DYNC1I1: variants seen among roughly 807,000 people sequenced by gnomAD.
DYNC1I1 encodes cytoplasmic dynein 1 intermediate chain 1.
A neutral mutation model predicts 86.6 loss-of-function variants in DYNC1I1; 43 were observed. That is an observed-to-expected ratio of 0.50 (90% CI 0.39 to 0.64). The LOEUF (loss-of-function observed/expected upper bound fraction) is 0.64, where lower values mean the gene tolerates loss of function less well. Ranked by LOEUF, DYNC1I1 falls within the 30% of genes least tolerant of loss-of-function variation. DYNC1I1 has a pLI of 0.00. For missense variants in DYNC1I1, 604 were observed against 788.8 expected, an observed-to-expected ratio of 0.77 and a Z score of 2.81; for synonymous variants, 262 against 283.7, an observed-to-expected ratio of 0.92 and a Z score of 0.77.
chr7:95,843,601 G>A (rs780911950), intron 5 of DYNC1I1, among the ~76,000 whole-genome samples: 1 of 152,014 alleles, frequency 6.6e-6, no homozygotes, highest in Non-Finnish European at 1.5e-5. Flanking sequence ...CATTTTGGCC[G>A]GAAACACAAA....
intron 16 of DYNC1I1, among the ~76,000 whole-genome samples, chr7:96,086,787 A>ATATTT (rs1326756548): frequency 6.6e-6 from 1 of 152,220 alleles, no homozygotes; most frequent in Non-Finnish European, 1.5e-5. Context: ...CCATTTGAAT[A>ATATTT]TATTTTAAAG....
intron 16 of DYNC1I1, among the ~76,000 whole-genome samples, chr7:96,082,446 C>T: frequency 6.6e-6 from 1 of 152,094 alleles, no homozygotes; most frequent in Admixed American, 6.5e-5. Context: ...AAACTCTTTG[C>T]TCTATCTCCT....
At chr7:96,077,560 T>A (rs1196391631) in intron 15 of DYNC1I1, among the ~76,000 whole-genome samples, 1 of 152,188 alleles carries the variant, frequency 6.6e-6, no homozygotes, top group African/African-American at 2.4e-5. Flanking sequence ...TACCCTACAT[T>A]GTAAGGGTTT....
At chr7:95,993,131 A>C (rs1399454744) in intron 9 of DYNC1I1, among the ~76,000 whole-genome samples, 1 of 152,210 alleles carries the variant, frequency 6.6e-6, no homozygotes, top group Non-Finnish European at 1.5e-5. Context: ...TTATTGGAAA[A>C]AGAAAATATG....
At position 96,030,330 on chromosome 7, in the gene DYNC1I1, TTGTGTGTGTG is replaced by T. The variant is rs200496803; in HGVS notation, c.1116+2047_1116+2056del. Reference sequence around the variant, plus strand: ...GCTTTCTTCTTCCTTAATGGTAGAGTTGTGTGTGTGTGTGTGTGTGTGTGTGTGTGTGTGT... The same window carrying T: ...GCTTTCTTCTTCCTTAATGGTAGAGTTGTGTGTGTGTGTGTGTGTGTGTGT... On this transcript the variant is annotated intron_variant, in intron 11 of 16. Coordinates refer to ENST00000447467, the MANE Select transcript of DYNC1I1 (RefSeq NM_001135556.2). 2.6e-3 allele frequency among the ~76,000 whole-genome samples: 354 copies of T among 135,492 alleles called. 1 individual carries two copies. The highest frequency in any genetic ancestry group is 8.4e-3 in the African/African-American group (302 of 35,852). 88.9% of individuals were successfully genotyped at this position (135,492 alleles called of 152,430 possible).
intron 1 of DYNC1I1, among the ~76,000 whole-genome samples, chr7:95,787,372 G>C (rs138970005): frequency 6.6e-6 from 1 of 152,224 alleles, no homozygotes; most frequent in South Asian, 2.1e-4. Context: ...AATCAAGCTG[G>C]TGGTCCAATT....
chr7:95,787,150 A>G (rs183370029), intron 1 of DYNC1I1, among the ~76,000 whole-genome samples: 6 of 152,310 alleles, frequency 3.9e-5, no homozygotes, highest in Admixed American at 2.0e-4. Context: ...TAGGTCCCCA[A>G]CATAAAATGC....
intron 4 of DYNC1I1, among the ~76,000 whole-genome samples, chr7:95,821,689 GTTATTA>G (rs893951179): frequency 6.6e-6 from 1 of 151,584 alleles, no homozygotes; most frequent in African/African-American, 2.4e-5. Flanking sequence ...ATCATTTTTT[GTTATTA>G]TTATTATTAT....
intron 6 of DYNC1I1, among the ~76,000 whole-genome samples, chr7:95,900,917 G>T (rs953332553): frequency 6.6e-5 from 10 of 152,130 alleles, no homozygotes; most frequent in Non-Finnish European, 1.3e-4. Context: ...TTTAATGAAA[G>T]ATTTTCTCCA....
At chr7:96,092,250 AT>A (rs1790870955) in intron 16 of DYNC1I1, among the ~76,000 whole-genome samples, 1 of 152,250 alleles carries the variant, frequency 6.6e-6, no homozygotes, top group Admixed American at 6.5e-5. Flanking sequence ...AAGAAAGAAA[AT>A]AAAAAAATTG....
chr7:95,825,330 G>C (rs952618971), intron 4 of DYNC1I1, among the ~76,000 whole-genome samples: 2 of 152,096 alleles, frequency 1.3e-5, no homozygotes, highest in Non-Finnish European at 2.9e-5. Context: ...AAGTGGAAAA[G>C]GTCACTAAAA....
intron 6 of DYNC1I1, among the ~76,000 whole-genome samples, chr7:95,951,751 T>C (rs1273755275): frequency 1.3e-5 from 2 of 152,158 alleles, no homozygotes; most frequent in African/African-American, 4.8e-5. Flanking sequence ...TTCTCTGTGT[T>C]GTATTCATGC....
At chr7:95,779,770 C>A (rs1304114048) in intron 1 of DYNC1I1, among the ~76,000 whole-genome samples, 2 of 152,156 alleles carry the variant, frequency 1.3e-5, no homozygotes, top group African/African-American at 2.4e-5. Context: ...AGACTGAGTT[C>A]TTTTTCCCCT....
intron 1 of DYNC1I1, among the ~76,000 whole-genome samples, chr7:95,774,645 G>T (rs114679903): frequency 6.6e-6 from 1 of 152,136 alleles, no homozygotes; most frequent in African/African-American, 2.4e-5. Flanking sequence ...CTCAGAGAAG[G>T]CTCTAGGGTC....
At chr7:95,928,962 A>G (rs557616862) in intron 6 of DYNC1I1, among the ~76,000 whole-genome samples, 2 of 152,158 alleles carry the variant, frequency 1.3e-5, no homozygotes, top group African/African-American at 4.8e-5. Context: ...TCCGTCCCCA[A>G]ACTTACCGGT....
At chr7:96,017,752 ATTTT>A (rs1333639745) in intron 10 of DYNC1I1, among the ~76,000 whole-genome samples, 2 of 152,182 alleles carry the variant, frequency 1.3e-5, no homozygotes, top group African/African-American at 4.8e-5. Flanking sequence ...TCATATAATT[ATTTT>A]GAGGAATAGA....
intron 6 of DYNC1I1, among the ~76,000 whole-genome samples, chr7:95,955,781 A>C (rs1792695338): frequency 6.6e-6 from 1 of 152,224 alleles, no homozygotes; most frequent in Non-Finnish European, 1.5e-5. Flanking sequence ...ATTACTTGAC[A>C]TGACTGTGAA....
chr7:95,953,112 C>A (rs141782553), intron 6 of DYNC1I1, among the ~76,000 whole-genome samples: 60 of 148,736 alleles, frequency 4.0e-4, no homozygotes, highest in African/African-American at 1.5e-3. Flanking sequence ...ATGTACCTGG[C>A]TGTTCTAGTT....
Position 95,998,020 on chromosome 7 carries a change from A to G in DYNC1I1, c.969+1947A>G, listed in dbSNP as rs1271764930. ...GATGGAGGTTAGGTAGACAGATAAC[A>G]TAATAAAGGCAATTTGGTTACCTTT... On this transcript the variant is annotated intron_variant, in intron 10 of 16. Coordinates refer to ENST00000447467, the MANE Select transcript of DYNC1I1 (RefSeq NM_001135556.2). 2.6e-5 allele frequency among the ~76,000 whole-genome samples: 4 copies of G among 152,236 alleles called. No homozygotes were observed. The East Asian group carries it at 5.8e-4, about 22-fold the overall frequency.
Sources: allele counts gnomAD v4.1 joint callset (sites outside exome capture counted in the v4.1 genomes callset), GRCh38; gene constraint gnomAD v4.1.1; transcripts MANE v1.5; gene names NCBI Gene and HGNC (gene_info 2026-07-23, HGNC 2026-07-21).